DNAH9: variants seen among roughly 807,000 people sequenced by gnomAD.
DNAH9 encodes the protein dynein axonemal heavy chain 9.
In DNAH9, 345 loss-of-function variants were observed where a neutral mutation model predicts 471.6. The observed-to-expected ratio is 0.73, with a 90% confidence interval of 0.67 to 0.80. The LOEUF (loss-of-function observed/expected upper bound fraction) is 0.80. DNAH9 is among the 30% of genes least tolerant of loss of function. The pLI is 0.00. For synonymous variants in DNAH9, 2,093 were observed against 2,123.6 expected (o/e 0.99, Z 0.40); for missense variants, 5,407 against 5,609.2 (o/e 0.96, Z 1.15).
rs527835262 is a variant in DNAH9, at chr17:11,654,355, C to CAAAAAAA, written c.2595+1370_2595+1376dup. Among the ~76,000 whole-genome samples the CAAAAAAA allele has an allele frequency of 4.7e-3, 53 of 11,248 alleles. 8 individuals are homozygous for CAAAAAAA. Among genetic ancestry groups the CAAAAAAA allele is most frequent in the African/African-American group, 6.3e-3 (51 of 8,120 alleles). The allele number at this position is 11,248 out of a possible 152,430, so 7.4% of individuals were successfully genotyped here. ...TGGGCCACAGAGCGAGACTCCGTCT[C>CAAAAAAA]AAAAAAAAAAAAAAAAAAAAAAAGT... On this transcript the variant is annotated intron_variant, in intron 14 of 68. Transcript: ENST00000262442.
chr17:11,843,863 G>GTGTGTGTGTGTA (rs1253794533), intron 49 of DNAH9, among the ~76,000 whole-genome samples: 19 of 46,464 alleles, frequency 4.1e-4, no homozygotes, highest in South Asian at 3.5e-3. Flanking sequence ...GTGTGTGTGT[G>GTGTGTGTGTGTA]TATATATATA....
chr17:11,918,286 C>T (rs1265178994), intron 61 of DNAH9, among the ~76,000 whole-genome samples: 1 of 152,008 alleles, frequency 6.6e-6, no homozygotes, highest in Non-Finnish European at 1.5e-5. Flanking sequence ...CGCTGGAGTG[C>T]AGTGGCGCCA....
chr17:11,660,175 G>T (rs1353596226), intron 14 of DNAH9, among the ~76,000 whole-genome samples: 2 of 151,936 alleles, frequency 1.3e-5, no homozygotes, highest in East Asian at 3.9e-4. Context: ...TAGCCTGTTA[G>T]GGTATAAACT....
intron 17 of DNAH9, among the ~76,000 whole-genome samples, chr17:11,679,365 T>C (rs1284945697): frequency 1.3e-5 from 2 of 152,254 alleles, no homozygotes; most frequent in East Asian, 1.9e-4. Flanking sequence ...TCTCATGTTA[T>C]CCAGTTCATA....
chr17:11,717,813 C>T lies in DNAH9; in HGVS notation c.5553-1521C>T, dbSNP rs532453131. Among the ~76,000 whole-genome samples the T allele has an allele frequency of 3.3e-5, 5 of 152,266 alleles. No individual in the cohort carries two copies. The South Asian group carries it at 6.2e-4, about 19-fold the overall frequency. On this transcript the variant is annotated intron_variant, in intron 26 of 68. Transcript: ENST00000262442. ...TCTCTCACTCCAAACCTCAGGCAGC[C>T]GCTGATCTGCTGGCTATCTCAGTTT...
At position 11,644,698 on chromosome 17, in the gene DNAH9, A is replaced by G. The variant is rs2073345965; in HGVS notation, c.1969A>G (p.Lys657Glu). The G allele has an allele frequency of 1.9e-6, 3 of 1,610,408 alleles. No individual in the cohort carries two copies. Among genetic ancestry groups the G allele is most frequent in the Non-Finnish European group, 2.5e-6 (3 of 1,177,656 alleles). ...KYEDMLSLLE[K>E]YETRLYEDWC... The stretch of plus-strand genomic sequence containing the variant: ...TGAAGATATGCTGTCATTGCTAGAA[A>G]AGTAAGCAACTTCTGGCATTGCGTG... Residue 657 changes from lysine to glutamate, a missense_variant and splice_region_variant, in exon 11 of 69, where the codon AAG (lysine) becomes GAG (glutamate). This residue lies in a region of DNAH9 where 4,636 missense variants were observed against 4,900.3 expected (regional missense o/e 0.95). Transcript: ENST00000262442.
At chr17:11,619,824 A>G in intron 6 of DNAH9, 43 bp downstream of exon 6, 1 of 1,226,186 alleles carries the variant, frequency 8.2e-7, no homozygotes, top group African/African-American at 1.5e-5. Context: ...CCAGACAGAA[A>G]GAAGCAGTCC....
At chr17:11,888,185 T>C (rs35684329) in intron 57 of DNAH9, among the ~76,000 whole-genome samples, 5,135 of 151,900 alleles carry the variant, frequency 0.034, 105 homozygotes, top group Non-Finnish European at 0.039. Context: ...GGGGTTTCAC[T>C]GTGTTAGCCA....
chr17:11,915,843 A>C (rs2151022884), intron 61 of DNAH9, among the ~76,000 whole-genome samples: 1 of 152,364 alleles, frequency 6.6e-6, no homozygotes, highest in Non-Finnish European at 1.5e-5. Flanking sequence ...AGAGCATTTA[A>C]TACAATTTTA....
chr17:11,776,726 A>T (rs150611395), intron 38 of DNAH9, among the ~76,000 whole-genome samples: 1,680 of 152,274 alleles, frequency 0.011, 21 homozygotes, highest in Non-Finnish European at 0.013. Context: ...CACTCATCTG[A>T]TATCTAGAGC....
intron 38 of DNAH9, among the ~76,000 whole-genome samples, chr17:11,777,087 TAAATATCTGTG>T (rs1443042259): frequency 1.3e-5 from 2 of 152,256 alleles, no homozygotes; most frequent in Admixed American, 1.3e-4. Flanking sequence ...ATCTGTTTTA[TAAATATCTGTG>T]ATATATGCCT....
chr17:11,778,329 CAAA>C (rs57983162), intron 38 of DNAH9, among the ~76,000 whole-genome samples: 9,120 of 48,874 alleles, frequency 0.19, 232 homozygotes, highest in South Asian at 0.28. Flanking sequence ...GACTCCATCT[CAAA>C]AAAAAAAAAA....
intron 61 of DNAH9, among the ~76,000 whole-genome samples, chr17:11,907,748 G>A (rs1973657543): frequency 6.6e-6 from 1 of 152,086 alleles, no homozygotes; most frequent in South Asian, 2.1e-4. Flanking sequence ...AATAAGATGT[G>A]CATAATAAAA....
intron 26 of DNAH9, among the ~76,000 whole-genome samples, chr17:11,715,080 C>T (rs764621204): frequency 6.6e-6 from 1 of 152,184 alleles, no homozygotes; most frequent in Non-Finnish European, 1.5e-5. Flanking sequence ...TTAATACAAG[C>T]CAACTATGAC....
intron 31 of DNAH9, among the ~76,000 whole-genome samples, chr17:11,746,864 C>A (rs577817526): frequency 2.0e-4 from 30 of 152,020 alleles, no homozygotes; most frequent in Admixed American, 6.6e-5. Flanking sequence ...TCTTATGCAC[C>A]CTTTTTGAGT....
At chr17:11,837,005 G>A (rs1007295713) in intron 49 of DNAH9, among the ~76,000 whole-genome samples, 10 of 152,218 alleles carry the variant, frequency 6.6e-5, no homozygotes, top group Admixed American at 2.0e-4. Context: ...TTCCCATTAC[G>A]TTGTTACAAG....
chr17:11,771,149 G>T (rs1968189597), intron 38 of DNAH9, among the ~76,000 whole-genome samples: 1 of 151,920 alleles, frequency 6.6e-6, no homozygotes, highest in Non-Finnish European at 1.5e-5. Flanking sequence ...TTTTTGAGAT[G>T]GAGTTTCACT....
chr17:11,722,422 G>C (rs2075075428), intron 27 of DNAH9, among the ~76,000 whole-genome samples: 1 of 152,186 alleles, frequency 6.6e-6, no homozygotes, highest in Non-Finnish European at 1.5e-5. Flanking sequence ...GTTTTGGTGA[G>C]AGCATCTCAG....
intron 4 of DNAH9, among the ~76,000 whole-genome samples, chr17:11,615,356 G>A (rs1271951557): frequency 3.3e-5 from 5 of 151,970 alleles, no homozygotes; most frequent in African/African-American, 7.3e-5. Context: ...AGGCTGAGGC[G>A]GGCAGATCAC....
Sources: gnomAD v4.1 joint callset for allele counts (sites outside exome capture counted in the v4.1 genomes callset) on GRCh38, gnomAD v4.1.1 for gene constraint, gnomAD v4.1.1 regional missense constraint, MANE v1.5 for transcripts, NCBI Gene and HGNC (gene_info 2026-07-23, HGNC 2026-07-21) for gene names.